MET: variants seen among roughly 807,000 people sequenced by gnomAD.
MET encodes the protein hepatocyte growth factor receptor.
MET carries 48 observed loss-of-function variants against 133.1 expected under a neutral mutation model. That is an observed-to-expected ratio of 0.36 (90% confidence interval 0.29 to 0.46). The LOEUF (loss-of-function observed/expected upper bound fraction) is 0.46. Ranked by LOEUF, MET falls within the 20% of genes least tolerant of loss-of-function variation. The pLI is 1.00. For missense variants in MET, 1,442 were observed against 1,695.9 expected (o/e 0.85, Z 2.63); for synonymous variants, 628 against 616.5 (o/e 1.02, Z -0.28).
In MET at chr7:116,796,365, T is replaced by C. The variant is rs1357350458; in HGVS notation, c.*241T>C. 3.7e-6 allele frequency: 2 copies of C among 547,924 alleles called. No individual in the cohort carries two copies. The highest frequency in any genetic ancestry group is 3.1e-5 in the East Asian group (1 of 32,732). 33.9% of individuals were successfully genotyped at this position (547,924 alleles called of 1,614,324 possible). A position where few individuals can be genotyped will look rare whatever the true frequency, so the allele number is the denominator to read the frequency against. On this transcript the variant is annotated 3_prime_UTR_variant, in exon 21 of 21. Transcript: ENST00000397752. ...CAGCCGTGACAACACTCCTGTCATA[T>C]TGGAGTCCAAAACTTGAATTCTGGG...
At chr7:116,673,153 G>A (rs2116421447) in intron 1 of MET, among the ~76,000 whole-genome samples, 1 of 152,324 alleles carries the variant, frequency 6.6e-6, no homozygotes, top group South Asian at 2.1e-4. Flanking sequence ...ACCAGAGGCT[G>A]AGCGATGTGG....
chr7:116,779,250 A>G (rs908511861), intron 17 of MET, among the ~76,000 whole-genome samples: 1 of 152,228 alleles, frequency 6.6e-6, no homozygotes, highest in Non-Finnish European at 1.5e-5. Context: ...GAAACTGTGC[A>G]CAGCACAGGA....
chr7:116,696,847 G>C (rs1447823042), intron 1 of MET, among the ~76,000 whole-genome samples: 2 of 152,300 alleles, frequency 1.3e-5, no homozygotes, highest in Admixed American at 1.3e-4. Flanking sequence ...TGACACTCAT[G>C]TGTCTCACTC....
chr7:116,757,966 T>C (rs1794253484), intron 8 of MET, 192 bp downstream of exon 8: 2 of 652,536 alleles, frequency 3.1e-6, no homozygotes, highest in Non-Finnish European at 5.2e-6. Context: ...TTCCTTTCTC[T>C]TGTTTTTTAG....
rs752013993 is a variant in MET at position 116,769,779 on chromosome 7, G to C, written c.2718G>C (p.Glu906Asp). The part of the protein sequence containing the change: ...VPNDLLKLNS[E>D]LNIEWKQAIS... Reference sequence around the variant, plus strand: ...ATGACCTGCTGAAATTGAACAGCGAGCTAAATATAGAGGTGGGATTCCTGC... The same window carrying C: ...ATGACCTGCTGAAATTGAACAGCGACCTAAATATAGAGGTGGGATTCCTGC... The change falls in exon 12 of 21, where the codon GAG becomes GAC. Residue 906 changes from glutamate to aspartate, a missense_variant. This residue lies in a region of MET where 514 missense variants were observed against 659.6 expected (regional missense o/e 0.78). Transcript: ENST00000397752. 1 of 1,613,822 alleles carries C rather than the reference G, an allele frequency of 6.2e-7. No individual in the cohort carries two copies.
At chr7:116,782,249 A>T in intron 18 of MET, 152 bp downstream of exon 18, 1 of 698,088 alleles carries the variant, frequency 1.4e-6, no homozygotes, top group East Asian at 2.7e-5. Flanking sequence ...AGCCCTGGGG[A>T]TGTGGGTGGG....
At chr7:116,675,754 CTT>C (rs202113885) in intron 1 of MET, among the ~76,000 whole-genome samples, 19 of 146,224 alleles carry the variant, frequency 1.3e-4, no homozygotes, top group African/African-American at 3.7e-4. Context: ...TTCTCTCTCT[CTT>C]TTTTTTTTTT....
At chr7:116,733,637 A>G (rs1793107048) in intron 3 of MET, among the ~76,000 whole-genome samples, 1 of 152,216 alleles carries the variant, frequency 6.6e-6, no homozygotes, top group South Asian at 2.1e-4. Flanking sequence ...GTGTAAAAGA[A>G]ACTATATTTT....
Position 116,757,751 on chromosome 7 carries a change from T to C in MET, c.2079T>C (p.Gly693=), listed in dbSNP as rs1584941818. ...NSGNSRHISI[G]GKTCTLKSVS... ...GGAATTCTAGACACATTTCAATTGG[T>C]GGAAAAACATGTACTTTAAAAAGGT... Residue 693 remains glycine (G), a synonymous_variant, in exon 8 of 21, where the codon GGT becomes GGC. Transcript: ENST00000397752. The C allele has an allele frequency of 1.2e-6, 2 of 1,613,918 alleles. No homozygotes were observed. The highest frequency in any genetic ancestry group is 1.7e-6 in the Non-Finnish European group (2 of 1,179,882).
intron 1 of MET, chr7:116,695,729 A>G (rs779124983): frequency 8.3e-6 from 4 of 479,422 alleles, no homozygotes; most frequent in South Asian, 4.8e-5. Flanking sequence ...GAGAAGGATA[A>G]TAATACTTCC....
rs2116603344 is a variant in MET, at chr7:116,700,098, T to A, written c.1014T>A (p.Asn338Lys). ...CTAGACAAATAGGAGCCAGCCTGAA[T>A]GATGACATTCTTTTCGGGGTGTTCG... ...QLARQIGASL[N>K]DDILFGVFAQ... Residue 338 changes from asparagine (N) to lysine (K), a missense_variant, in exon 2 of 21, where the codon AAT becomes AAA. Around this residue, in one of 6 missense-constraint regions of MET, gnomAD observed 762 missense variants for 792.4 expected, o/e 0.96. Transcript: ENST00000397752. The A allele has an allele frequency of 6.2e-7, 1 of 1,611,044 alleles. No individual in the cohort carries two copies. Among genetic ancestry groups the A allele is most frequent in the South Asian group, 1.1e-5 (1 of 90,576 alleles).
chr7:116,777,371 GTTCT>G lies in MET; in HGVS notation c.3260-11_3260-8del, dbSNP rs771505942. 5 of 1,608,742 alleles carry G rather than the reference GTTCT, an allele frequency of 3.1e-6. No homozygotes were observed. The highest frequency in any genetic ancestry group is 4.3e-6 in the Non-Finnish European group (5 of 1,175,266). ...TTAAATGTTACGCAGTGCTAACCAA[GTTCT>G]TTCTTTTGCACAGGGCATTTTGGTT... On this transcript the variant is annotated splice_polypyrimidine_tract_variant and intron_variant, in intron 15 of 20. Coordinates refer to ENST00000397752, the MANE Select transcript of MET (RefSeq NM_000245.4).
intron 11 of MET, 82 bp from the exon 12 acceptor site, chr7:116,769,563 A>G (rs1794761398): frequency 3.9e-6 from 6 of 1,537,526 alleles, no homozygotes; most frequent in Non-Finnish European, 4.5e-6. Flanking sequence ...TGTTTGCAGT[A>G]TATTTATATT....
rs1794844741 is a variant in MET at position 116,771,833 on chromosome 7, TTCTC to T, written c.2888-12_2888-9del. 1 of 1,613,712 alleles carries T rather than the reference TTCTC, an allele frequency of 6.2e-7. No individual in the cohort carries two copies. On this transcript the variant is annotated splice_polypyrimidine_tract_variant and intron_variant, in intron 13 of 20. Coordinates refer to ENST00000397752, the MANE Select transcript of MET (RefSeq NM_000245.4). ...TAGCCGTCTTTAACAAGCTCTTTCT[TTCTC>T]TCTGTTTTAAGATCTGGGCAGTGAA...
Position 116,731,779 on chromosome 7 carries a change from C to T in MET, c.1312C>T (p.Leu438Phe). Residue 438 changes from leucine (L) to phenylalanine (F), a missense_variant, in exon 3 of 21, where the codon CTC becomes TTC. Around this residue, in one of 6 missense-constraint regions of MET, gnomAD observed 762 missense variants for 792.4 expected, o/e 0.96. Coordinates refer to ENST00000397752, the MANE Select transcript of MET (RefSeq NM_000245.4). ...ATTCATGGGTCAATTCAGCGAAGTCCTCTTAACATCTATATCCACCTTCAT... is the reference window on the plus strand; with the variant it reads ...ATTCATGGGTCAATTCAGCGAAGTCTTCTTAACATCTATATCCACCTTCAT... ...DLFMGQFSEV[L>F]LTSISTFIKG... 6.2e-7 allele frequency: 1 copy of T among 1,614,150 alleles called. No individual in the cohort carries two copies. Among genetic ancestry groups the T allele is most frequent in the Non-Finnish European group, 8.5e-7 (1 of 1,179,988 alleles).
intron 1 of MET, among the ~76,000 whole-genome samples, chr7:116,697,131 C>T (rs1239064267): frequency 6.6e-6 from 1 of 152,210 alleles, no homozygotes; most frequent in African/African-American, 2.4e-5. Context: ...TTCAGCCTAA[C>T]TTCCCAGTGC....
chr7:116,708,473 G>A (rs981283339), intron 2 of MET, among the ~76,000 whole-genome samples: 1 of 152,104 alleles, frequency 6.6e-6, no homozygotes, highest in Non-Finnish European at 1.5e-5. Flanking sequence ...GAAAAACATT[G>A]CAAGAAGTAG....
intron 3 of MET, among the ~76,000 whole-genome samples, chr7:116,736,593 G>T (rs1476422089): frequency 1.3e-5 from 2 of 152,096 alleles, no homozygotes; most frequent in Non-Finnish European, 2.9e-5. Context: ...AGATTTGGGG[G>T]CCTAGCCACA....
At chr7:116,740,216 T>C (rs1292726852) in intron 4 of MET, 132 bp downstream of exon 4, 1 of 1,002,226 alleles carries the variant, frequency 1.0e-6, no homozygotes, top group East Asian at 2.5e-5. Context: ...AGTTCTTTAG[T>C]GAGTATTCCA....
Sources: gnomAD v4.1 joint callset for allele counts (sites outside exome capture counted in the v4.1 genomes callset) on GRCh38, gnomAD v4.1.1 for gene constraint, gnomAD v4.1.1 regional missense constraint, MANE v1.5 for transcripts, NCBI Gene and HGNC (gene_info 2026-07-23, HGNC 2026-07-21) for gene names.